LCOR: variants seen among roughly 807,000 people sequenced by gnomAD.
LCOR encodes the protein ligand-dependent corepressor.
A neutral mutation model predicts 64.4 loss-of-function variants in LCOR; 14 were observed. The ratio of observed to expected loss-of-function variants is 0.22; its 90% CI spans 0.14 to 0.34. The LOEUF (loss-of-function observed/expected upper bound fraction) is 0.34. LCOR is among the 10% of genes least tolerant of loss of function. LCOR has a pLI of 1.00. For synonymous variants in LCOR, 643 were observed against 642.5 expected, an observed-to-expected ratio of 1.00 and a Z score of -0.01; for missense variants, 1,686 against 1,765.3, an observed-to-expected ratio of 0.96 and a Z score of 0.80.
Position 96,983,133 on chromosome 10 carries a change from C to A in LCOR, c.2673C>A (p.Arg891=). Reference sequence around the variant, plus strand: ...CAGAAAAGCCAAGTGTCAATGAACGCCCCTCTGAGAAAGATGCTGAGCAGG... The same window carrying A: ...CAGAAAAGCCAAGTGTCAATGAACGACCCTCTGAGAAAGATGCTGAGCAGG... ...EDTEKPSVNE[R]PSEKDAEQEG... The change falls in exon 8 of 8, where the codon CGC becomes CGA. Residue 891 remains arginine, a synonymous_variant. Coordinates refer to ENST00000421806, the MANE Select transcript of LCOR (RefSeq NM_001346516.2). The surrounding 1 kb of genome is among the most constrained non-coding windows in gnomAD (Gnocchi z 4.5). 6.2e-7 allele frequency: 1 copy of A among 1,613,818 alleles called. No homozygotes were observed. The highest frequency in any genetic ancestry group is 2.2e-5 in the East Asian group (1 of 44,862).
In LCOR at chr10:96,955,202, T is replaced by C. The variant is rs146221407; in HGVS notation, c.332+3006T>C. 1.9e-5 allele frequency: 31 copies of C among 1,614,074 alleles called. No homozygotes were observed. The African/African-American group carries it at 4.1e-4, about 22-fold the overall frequency. On this transcript the variant is annotated intron_variant, in intron 7 of 7. Coordinates refer to ENST00000421806, the MANE Select transcript of LCOR (RefSeq NM_001346516.2). ...ACTTAATATTATCCAGGGAAGCCTCTTGGGCAAAACCACATTACGAGTTCA... is the reference window on the plus strand; with the variant it reads ...ACTTAATATTATCCAGGGAAGCCTCCTGGGCAAAACCACATTACGAGTTCA...
intron 2 of LCOR, among the ~76,000 whole-genome samples, chr10:96,879,136 A>T (rs1242484155): frequency 1.3e-5 from 2 of 152,188 alleles, no homozygotes; most frequent in African/African-American, 4.8e-5. Context: ...TATAACACCC[A>T]CTATATGCTG....
At chr10:96,930,412 G>GA (rs1174923034) in intron 4 of LCOR, among the ~76,000 whole-genome samples, 5 of 152,008 alleles carry the variant, frequency 3.3e-5, no homozygotes, top group East Asian at 3.9e-4. Flanking sequence ...ACCAATTCTT[G>GA]AAAAAACCTT....
chr10:96,943,847 A>T (rs1232056150), intron 4 of LCOR, among the ~76,000 whole-genome samples: 12 of 152,156 alleles, frequency 7.9e-5, no homozygotes. Context: ...CAAGGAAATT[A>T]TCCCTCTGGC....
chr10:96,867,814 T>A (rs557759414), intron 2 of LCOR, among the ~76,000 whole-genome samples: 3 of 152,192 alleles, frequency 2.0e-5, no homozygotes, highest in African/African-American at 7.2e-5. Context: ...TATATAAATT[T>A]TAGAATATTT....
intron 2 of LCOR, among the ~76,000 whole-genome samples, chr10:96,883,089 T>TG (rs1269750952): frequency 1.4e-4 from 21 of 152,322 alleles, no homozygotes; most frequent in Non-Finnish European, 2.5e-4. Context: ...CAGGCTGGAG[T>TG]GCAGTGGCAC....
intron 4 of LCOR, among the ~76,000 whole-genome samples, chr10:96,920,344 A>G (rs1216761063): frequency 6.7e-6 from 1 of 149,272 alleles, no homozygotes. Context: ...CCCATTTTTG[A>G]ATTCGGTTGT....
chr10:96,883,816 C>CT (rs1846300842), intron 2 of LCOR, among the ~76,000 whole-genome samples: 1 of 151,982 alleles, frequency 6.6e-6, no homozygotes, highest in Non-Finnish European at 1.5e-5. Flanking sequence ...ATGGTAGTTT[C>CT]TTTTTAATTA....
intron 2 of LCOR, among the ~76,000 whole-genome samples, chr10:96,839,795 C>A (rs1845507962): frequency 6.6e-6 from 1 of 151,958 alleles, no homozygotes; most frequent in Admixed American, 6.6e-5. Flanking sequence ...AAGTAATTCT[C>A]CTGCCTCAGC....
intron 2 of LCOR, among the ~76,000 whole-genome samples, chr10:96,877,749 C>G (rs958854089): frequency 1.3e-5 from 2 of 151,668 alleles, no homozygotes; most frequent in African/African-American, 4.8e-5. Context: ...GTAGCTGGGA[C>G]TACAGGCGCC....
chr10:96,925,934 C>T (rs2134481229), intron 4 of LCOR, among the ~76,000 whole-genome samples: 1 of 152,202 alleles, frequency 6.6e-6, no homozygotes, highest in Middle Eastern at 3.4e-3. Flanking sequence ...AGTCAGGATT[C>T]TTATTCTATG....
chr10:96,852,885 C>G (rs1274281754), intron 2 of LCOR, among the ~76,000 whole-genome samples: 2 of 152,026 alleles, frequency 1.3e-5, no homozygotes, highest in African/African-American at 2.4e-5. Context: ...GTAGCTTTGT[C>G]TCTTCTCATT....
At chr10:96,867,355 G>T (rs1390886070) in intron 2 of LCOR, among the ~76,000 whole-genome samples, 26 of 152,154 alleles carry the variant, frequency 1.7e-4, no homozygotes, top group Admixed American at 1.7e-3. Context: ...CCAGTACTTT[G>T]TCAGGCTGAG....
intron 4 of LCOR, among the ~76,000 whole-genome samples, chr10:96,912,648 CCTT>C (rs1020648947): frequency 6.6e-6 from 1 of 150,788 alleles, no homozygotes; most frequent in Non-Finnish European, 1.5e-5. Flanking sequence ...TCCTTCCTTT[CCTT>C]CTTTTTCCTT....
In LCOR at chr10:96,958,518, A is replaced by T; in HGVS notation, c.332+6322A>T. On this transcript the variant is annotated intron_variant, in intron 7 of 7. Coordinates refer to ENST00000421806, the MANE Select transcript of LCOR (RefSeq NM_001346516.2). ...AGATTGTAGGCTGAGAGTTGTAAAT[A>T]GTGAAAATTTGAGTACTTCTATTAT... The T allele has an allele frequency of 3.9e-6, 3 of 766,686 alleles. No individual in the cohort carries two copies. The South Asian group carries it at 4.5e-5, about 11-fold the overall frequency. 47.5% of individuals were successfully genotyped at this position (766,686 alleles called of 1,614,324 possible). A position where few individuals can be genotyped will look rare whatever the true frequency, so the allele number is the denominator to read the frequency against.
At chr10:96,893,174 T>C (rs1022962420) in intron 2 of LCOR, among the ~76,000 whole-genome samples, 3 of 152,224 alleles carry the variant, frequency 2.0e-5, no homozygotes, top group Non-Finnish European at 4.4e-5. Flanking sequence ...GTTTCAATAG[T>C]ATATAAAATA....
In LCOR at chr10:96,982,926, G is replaced by C. The variant is rs201741736; in HGVS notation, c.2466G>C (p.Ser822=). 3 of 1,613,396 alleles carry C rather than the reference G, an allele frequency of 1.9e-6. No individual in the cohort carries two copies. Among genetic ancestry groups the C allele is most frequent in the Non-Finnish European group, 2.5e-6 (3 of 1,179,916 alleles). ...ATAGGTGCCTAAGAAGTCAACTTTC[G>C]GATTCTTCCTCTGCTGACAGATGCC... ...ASDRCLRSQL[S]DSSSADRCLR... is the part of the protein sequence containing the mutation. The change falls in exon 8 of 8, where the codon TCG becomes TCC. Residue 822 remains serine, a synonymous_variant. Coordinates refer to ENST00000421806, the MANE Select transcript of LCOR (RefSeq NM_001346516.2).
intron 2 of LCOR, among the ~76,000 whole-genome samples, chr10:96,865,905 T>C (rs1474035771): frequency 2.1e-5 from 3 of 142,858 alleles, no homozygotes; most frequent in Non-Finnish European, 3.0e-5. Flanking sequence ...GAAAAAGAAA[T>C]AGAGCACTGC....
intron 7 of LCOR, chr10:96,955,744 A>T (rs1437889615): frequency 9.9e-6 from 16 of 1,614,094 alleles, no homozygotes; most frequent in Non-Finnish European, 1.4e-5. Context: ...CAGAGTATTT[A>T]TGGGATTCCC....
Sources: gnomAD v4.1 joint callset for allele counts (sites outside exome capture counted in the v4.1 genomes callset) on GRCh38, gnomAD v4.1.1 for gene constraint, Gnocchi (gnomAD v3.1) non-coding constraint, MANE v1.5 for transcripts, NCBI Gene and HGNC (gene_info 2026-07-23, HGNC 2026-07-21) for gene names.